EIF3H: variants seen among roughly 807,000 people sequenced by gnomAD.
EIF3H encodes eukaryotic translation initiation factor 3 subunit H, also known as eIF-3-gamma.
In EIF3H, 26 loss-of-function variants were observed where a neutral mutation model predicts 44.2. That is an observed-to-expected ratio of 0.59 (90% CI 0.43 to 0.82). The LOEUF (loss-of-function observed/expected upper bound fraction) is 0.82, where lower values mean the gene tolerates loss of function less well. Among genes scored for constraint, EIF3H ranks in the 40% least tolerant of loss-of-function variants. The probability of loss-of-function intolerance (pLI) is 0.00; values close to 1 mark genes in which losing one functional copy is unlikely to be tolerated. For synonymous variants in EIF3H, 166 were observed against 151.9 expected (o/e 1.09, Z -0.68); for missense variants, 359 against 432.8 (o/e 0.83, Z 1.51).
intron 5 of EIF3H, among the ~76,000 whole-genome samples, chr8:116,649,179 A>T (rs749675399): frequency 6.6e-6 from 1 of 152,228 alleles, no homozygotes; most frequent in African/African-American, 2.4e-5. Context: ...CAGGTATGTT[A>T]GGGTAGGAAC....
At chr8:116,656,647 T>A (rs1267727664) in intron 4 of EIF3H, among the ~76,000 whole-genome samples, 2 of 152,204 alleles carry the variant, frequency 1.3e-5, no homozygotes, top group African/African-American at 4.8e-5. Context: ...CAATAAGAAC[T>A]AAAAATTTCT....
intron 2 of EIF3H, among the ~76,000 whole-genome samples, chr8:116,720,931 TA>T (rs533253600): frequency 5.1e-4 from 77 of 152,124 alleles, no homozygotes; most frequent in African/African-American, 1.7e-3. Context: ...AAACAGAGTA[TA>T]AAAGTTTGGA....
intron 1 of EIF3H, among the ~76,000 whole-genome samples, chr8:116,729,063 G>C (rs748414456): frequency 6.6e-6 from 1 of 152,164 alleles, no homozygotes; most frequent in Non-Finnish European, 1.5e-5. Flanking sequence ...AAACTAAACT[G>C]ATAAAGAGTT....
chr8:116,708,258 A>C (rs913677328), intron 2 of EIF3H, among the ~76,000 whole-genome samples: 1 of 152,102 alleles, frequency 6.6e-6, no homozygotes, highest in Non-Finnish European at 1.5e-5. Context: ...CATGAATAAA[A>C]GTACAAAGCA....
chr8:116,648,401 T>C (rs1813339195), intron 6 of EIF3H, among the ~76,000 whole-genome samples: 1 of 152,224 alleles, frequency 6.6e-6, no homozygotes, highest in Non-Finnish European at 1.5e-5. Context: ...CCTATCAACA[T>C]TGCTTGCTCT....
At chr8:116,645,446 C>G (rs1322341440) in intron 7 of EIF3H, among the ~76,000 whole-genome samples, 1 of 152,150 alleles carries the variant, frequency 6.6e-6, no homozygotes, top group South Asian at 2.1e-4. Context: ...AAAGGAGATA[C>G]TAACAATAAA....
intron 1 of EIF3H, among the ~76,000 whole-genome samples, chr8:116,763,674 G>A (rs1277070514): frequency 1.3e-5 from 2 of 152,084 alleles, no homozygotes; most frequent in Non-Finnish European, 2.9e-5. Context: ...ATTTATTTAG[G>A]CAGTATGTTA....
intron 2 of EIF3H, among the ~76,000 whole-genome samples, chr8:116,724,396 A>AT (rs1814799172): frequency 6.6e-6 from 1 of 152,214 alleles, no homozygotes; most frequent in African/African-American, 2.4e-5. Flanking sequence ...TTTGGCACTG[A>AT]TATCTTCAAT....
chr8:116,669,766 G>C (rs1766849822), intron 2 of EIF3H, among the ~76,000 whole-genome samples: 1 of 152,166 alleles, frequency 6.6e-6, no homozygotes, highest in Admixed American at 6.5e-5. Context: ...GGCAAGAATG[G>C]AAAGTGACAG....
chr8:116,709,481 G>C (rs552803617), intron 2 of EIF3H, among the ~76,000 whole-genome samples: 2 of 152,102 alleles, frequency 1.3e-5, no homozygotes, highest in Non-Finnish European at 2.9e-5. Flanking sequence ...TATCAAAAAG[G>C]TAACCATATG....
chr8:116,704,914 T>C (rs978994586), intron 2 of EIF3H, among the ~76,000 whole-genome samples: 5 of 152,062 alleles, frequency 3.3e-5, no homozygotes, highest in Non-Finnish European at 5.9e-5. Context: ...TACTCTGTGA[T>C]AGTGGCCAAA....
At chr8:116,737,353 T>G (rs1815059401) in intron 1 of EIF3H, 1 of 427,402 alleles carries the variant, frequency 2.3e-6, no homozygotes, top group African/African-American at 2.1e-5. Flanking sequence ...AACCCAAAAA[T>G]AAAGTTTTAA....
intron 1 of EIF3H, among the ~76,000 whole-genome samples, chr8:116,755,232 A>G (rs1815419981): frequency 6.6e-6 from 1 of 152,240 alleles, no homozygotes; most frequent in African/African-American, 2.4e-5. Flanking sequence ...AAGAGTGGCT[A>G]CAAAGTACAT....
In EIF3H at chr8:116,662,314, T is replaced by G. The variant is rs562640861; in HGVS notation, c.290-3334A>C. Among the ~76,000 whole-genome samples, 5 of 152,232 alleles carry G rather than the reference T, an allele frequency of 3.3e-5. No individual in the cohort carries two copies. The South Asian group carries it at 1.0e-3, about 32-fold the overall frequency. ...AGAGGCATCATATAAAGAAAGGACC[T>G]AAACAAACTGCAAGTGAGTCTTAAA... is the stretch of plus-strand genomic sequence containing the variant. On this transcript the variant is annotated intron_variant, in intron 2 of 7. Transcript: ENST00000521861.
In EIF3H at chr8:116,750,962, C is replaced by T. The variant is rs1272959915; in HGVS notation, c.132+4704G>A. Among the ~76,000 whole-genome samples the T allele has an allele frequency of 2.6e-5, 4 of 151,732 alleles. 1 individual carries two copies. The highest frequency in any genetic ancestry group is 9.6e-5 in the African/African-American group (4 of 41,508). ...GCACGGTGGCTCACGCCTGTAATCC[C>T]AGCACTTTGGGAGGCCGAGGCGGGC... On this transcript the variant is annotated intron_variant, in intron 1 of 7. Coordinates refer to ENST00000521861, the MANE Select transcript of EIF3H (RefSeq NM_003756.3).
At chr8:116,654,393 CTTTTGT>C (rs1813453187) in intron 5 of EIF3H, among the ~76,000 whole-genome samples, 1 of 152,304 alleles carries the variant, frequency 6.6e-6, no homozygotes, top group East Asian at 1.9e-4. Context: ...GGATGTATTT[CTTTTGT>C]ATGCTCAATA....
chr8:116,731,048 A>C (rs925715699), intron 1 of EIF3H, among the ~76,000 whole-genome samples: 2 of 152,234 alleles, frequency 1.3e-5, no homozygotes. Context: ...AAATATGTTG[A>C]TAACAGCAAG....
intron 1 of EIF3H, among the ~76,000 whole-genome samples, chr8:116,730,766 C>T (rs1814938222): frequency 6.6e-6 from 1 of 152,146 alleles, no homozygotes; most frequent in African/African-American, 2.4e-5. Flanking sequence ...GATACTGGCA[C>T]ATAAAAGATA....
At chr8:116,754,857 G>T (rs945587269) in intron 1 of EIF3H, among the ~76,000 whole-genome samples, 9 of 152,198 alleles carry the variant, frequency 5.9e-5, no homozygotes, top group African/African-American at 2.2e-4. Flanking sequence ...GAATTTAAAA[G>T]TACTTTCTTA....
Sources: gnomAD v4.1 joint callset for allele counts (sites outside exome capture counted in the v4.1 genomes callset) on GRCh38, gnomAD v4.1.1 for gene constraint, MANE v1.5 for transcripts, NCBI Gene and HGNC (gene_info 2026-07-23, HGNC 2026-07-21) for gene names.